Variants in RCBTB2 observed in about 807,000 individuals in gnomAD.
RCBTB2 encodes the protein RCC1 and BTB domain containing protein 2, also known as RCC1 and BTB domain-containing protein 2.
In RCBTB2, 55 loss-of-function variants were observed where a neutral mutation model predicts 65.4. The ratio of observed to expected loss-of-function variants is 0.84; its 90% CI spans 0.68 to 1.05. The LOEUF (loss-of-function observed/expected upper bound fraction) is 1.05. Ranked by LOEUF, RCBTB2 falls within the 50% of genes least tolerant of loss-of-function variation. The pLI, the probability that RCBTB2 is intolerant of heterozygous loss-of-function variation, is 0.00. For missense variants in RCBTB2, 599 were observed against 680.1 expected, an observed-to-expected ratio of 0.88 and a Z score of 1.33; for synonymous variants, 220 against 255.2, an observed-to-expected ratio of 0.86 and a Z score of 1.31.
intron 1 of RCBTB2, chr13:48,532,132 T>C (rs1172985717): frequency 1.3e-5 from 2 of 152,268 alleles, no homozygotes; most frequent in African/African-American, 4.8e-5. Flanking sequence ...CAACATTTTA[T>C]GTAATTTTTG....
At chr13:48,531,077 T>A (rs1952090586) in intron 1 of RCBTB2, among the ~76,000 whole-genome samples, 1 of 152,226 alleles carries the variant, frequency 6.6e-6, no homozygotes, top group Admixed American at 6.5e-5. Flanking sequence ...TCCTTTTTCA[T>A]TTTTTCATAG....
chr13:48,519,774 G>A (rs1250357589), intron 4 of RCBTB2, among the ~76,000 whole-genome samples: 2 of 152,196 alleles, frequency 1.3e-5, no homozygotes, highest in African/African-American at 2.4e-5. Flanking sequence ...AAGGCTGGCT[G>A]TTGGAAGTTA....
At chr13:48,530,615 C>A (rs143697932) in intron 1 of RCBTB2, among the ~76,000 whole-genome samples, 12 of 152,308 alleles carry the variant, frequency 7.9e-5, no homozygotes, top group Non-Finnish European at 1.8e-4. Context: ...AAAGCAATGA[C>A]CATTCTTAGA....
chr13:48,505,292 C>A (rs1055048311), intron 10 of RCBTB2, among the ~76,000 whole-genome samples: 28 of 152,282 alleles, frequency 1.8e-4, no homozygotes, highest in African/African-American at 6.3e-4. Context: ...ATAGAGGTTT[C>A]TTTACATTAT....
At chr13:48,518,010 T>C (rs1463279541) in intron 4 of RCBTB2, among the ~76,000 whole-genome samples, 5 of 152,174 alleles carry the variant, frequency 3.3e-5, no homozygotes, top group African/African-American at 9.7e-5. Context: ...ACTGCAGTAA[T>C]GCATCTGGAA....
At chr13:48,516,026 G>A (rs1363848829) in intron 4 of RCBTB2, among the ~76,000 whole-genome samples, 1 of 152,182 alleles carries the variant, frequency 6.6e-6, no homozygotes, top group East Asian at 1.9e-4. Context: ...ATGTTCAGCA[G>A]ATACTTTAAA....
intron 1 of RCBTB2, among the ~76,000 whole-genome samples, chr13:48,528,284 CAGA>C (rs1181955031): frequency 6.6e-6 from 1 of 151,996 alleles, no homozygotes; most frequent in African/African-American, 2.4e-5. Flanking sequence ...GAAGTGATTA[CAGA>C]AGAAGGGGTG....
chr13:48,525,372 TGATA>T lies in RCBTB2; in HGVS notation c.-218-619_-218-616del, dbSNP rs1411250654. ...AATTCAAAAGTGAGCAAAGGATTCA[TGATA>T]TATATATATATATATATATATATAT... is the stretch of plus-strand genomic sequence containing the variant. On this transcript the variant is annotated intron_variant, in intron 1 of 14. Coordinates refer to ENST00000344532, the MANE Select transcript of RCBTB2 (RefSeq NM_001268.4). Among the ~76,000 whole-genome samples the T allele has an allele frequency of 1.2e-3, 84 of 67,540 alleles. 1 individual carries two copies. The highest frequency in any genetic ancestry group is 3.3e-3 in the South Asian group (5 of 1,508). The allele number at this position is 67,540 out of a possible 152,430, so 44.3% of individuals were successfully genotyped here. A position where few individuals can be genotyped will look rare whatever the true frequency, so the allele number is the denominator to read the frequency against.
rs1431132767 is a variant in RCBTB2 at position 48,499,695 on chromosome 13, G to A, written c.1310C>T (p.Ser437Leu). The change falls in exon 13 of 15, where the codon TCA (serine) becomes TTA (leucine). Residue 437 changes from serine (S) to leucine (L), a missense_variant. Physicochemically the swap from Ser to Leu is moderately radical, Grantham distance 145 (BLOSUM62 -2). Transcript: ENST00000344532. Reference protein sequence around the residue: ...EDDIVEMSEFSYPVYRAFLEY... With the variant: ...EDDIVEMSEFLYPVYRAFLEY... Reference sequence around the variant, plus strand: ...CAGGAAGGCCCGGTAAACAGGATATGAAAATTCACTCATTTCTACAATATC... The same window carrying A: ...CAGGAAGGCCCGGTAAACAGGATATAAAAATTCACTCATTTCTACAATATC... The A allele has an allele frequency of 6.2e-7, 1 of 1,614,146 alleles. No individual in the cohort carries two copies. Among genetic ancestry groups the A allele is most frequent in the South Asian group, 1.1e-5 (1 of 91,084 alleles).
At chr13:48,521,115 A>C (rs1052361100) in intron 4 of RCBTB2, among the ~76,000 whole-genome samples, 2 of 152,156 alleles carry the variant, frequency 1.3e-5, no homozygotes, top group Admixed American at 1.3e-4. Flanking sequence ...TTTTTCTGTT[A>C]ACATTTTTGT....
At chr13:48,497,795 A>G (rs1171398029) in intron 13 of RCBTB2, among the ~76,000 whole-genome samples, 3 of 152,250 alleles carry the variant, frequency 2.0e-5, no homozygotes, top group Non-Finnish European at 4.4e-5. Flanking sequence ...TCAAAGTTAT[A>G]GAGGAAAGAC....
At chr13:48,512,462 G>A (rs6561452) in intron 7 of RCBTB2, among the ~76,000 whole-genome samples, 1,694 of 152,174 alleles carry the variant, frequency 0.011, 23 homozygotes, top group African/African-American at 0.039. Flanking sequence ...CAGCATTTGG[G>A]GATTTTTCTT....
At chr13:48,493,259 A>ACACACACT (rs1555297731) in intron 14 of RCBTB2, among the ~76,000 whole-genome samples, 2 of 121,754 alleles carry the variant, frequency 1.6e-5, no homozygotes, top group African/African-American at 6.8e-5. Flanking sequence ...ACACACACAC[A>ACACACACT]CTCTTCTCTC....
chr13:48,514,318 C>G (rs2897588), intron 6 of RCBTB2, among the ~76,000 whole-genome samples: 68,377 of 152,102 alleles, frequency 0.45, 20,045 homozygotes, highest in African/African-American at 0.85. Flanking sequence ...CATGTCCCAG[C>G]TGGGATGGAG....
intron 14 of RCBTB2, among the ~76,000 whole-genome samples, chr13:48,491,056 A>T (rs892401530): frequency 1.3e-5 from 2 of 152,178 alleles, no homozygotes; most frequent in African/African-American, 4.8e-5. Flanking sequence ...ACCCTAGGCT[A>T]CTTGGCCTAG....
rs1274544714 is a variant in RCBTB2, at chr13:48,499,770, A to G, written c.1245-10T>C. The stretch of plus-strand genomic sequence containing the variant: ...ACGAAAATGCTCACATCTGAAGGAA[A>G]AAAGCAGTATGTCAGGTCCTAGCTT... On this transcript the variant is annotated splice_polypyrimidine_tract_variant and intron_variant, in intron 12 of 14. Transcript: ENST00000344532. 6.2e-7 allele frequency: 1 copy of G among 1,614,052 alleles called. No homozygotes were observed. Among genetic ancestry groups the G allele is most frequent in the African/African-American group, 1.3e-5 (1 of 74,950 alleles).
At chr13:48,524,972 A>G (rs1951629929) in intron 1 of RCBTB2, among the ~76,000 whole-genome samples, 1 of 152,114 alleles carries the variant, frequency 6.6e-6, no homozygotes, top group African/African-American at 2.4e-5. Context: ...CATACTTTAT[A>G]AGCTTCAGGA....
At chr13:48,509,414 C>T (rs1004961494) in intron 10 of RCBTB2, among the ~76,000 whole-genome samples, 2 of 152,090 alleles carry the variant, frequency 1.3e-5, no homozygotes, top group Admixed American at 6.6e-5. Context: ...CTCTGTTTTT[C>T]AGTTTAAATG....
chr13:48,490,030 A>G lies in RCBTB2; in HGVS notation c.*81T>C, dbSNP rs1949631340. 1 of 1,438,176 alleles carries G rather than the reference A, an allele frequency of 7.0e-7. No homozygotes were observed. The highest frequency in any genetic ancestry group is 1.7e-5 in the Admixed American group (1 of 58,182). 89.1% of individuals were successfully genotyped at this position (1,438,176 alleles called of 1,614,324 possible). A position where few individuals can be genotyped will look rare whatever the true frequency, so the allele number is the denominator to read the frequency against. On this transcript the variant is annotated 3_prime_UTR_variant, in exon 15 of 15. Coordinates refer to ENST00000344532, the MANE Select transcript of RCBTB2 (RefSeq NM_001268.4). ...CAGCCAAACATAGCTCATCATACAT[A>G]CTATTAATTAAAGAGAAGTGATTCA...
Sources: allele counts gnomAD v4.1 joint callset (sites outside exome capture counted in the v4.1 genomes callset), GRCh38; gene constraint gnomAD v4.1.1; transcripts MANE v1.5; gene names NCBI Gene and HGNC (gene_info 2026-07-23, HGNC 2026-07-21).